The following CEP128 variants were observed in gnomAD, a reference collection of about 807,000 sequenced individuals.
CEP128 encodes the protein centrosomal protein 128kDa.
CEP128 carries 132 observed loss-of-function variants against 156.7 expected under a neutral mutation model. That is an observed-to-expected ratio of 0.84 (90% CI 0.73 to 0.97). CEP128 has a LOEUF of 0.97. CEP128 is among the 50% of genes least tolerant of loss of function. The pLI is 0.00. For missense variants in CEP128, 1,252 were observed against 1,281.9 expected (o/e 0.98, Z 0.36); for synonymous variants, 469 against 448.9 (o/e 1.04, Z -0.57).
At chr14:80,764,489 G>A (rs1231034810) in intron 16 of CEP128, among the ~76,000 whole-genome samples, 1 of 149,776 alleles carries the variant, frequency 6.7e-6, no homozygotes, top group Non-Finnish European at 1.5e-5. Context: ...CTGGGCGACA[G>A]AGCGAGACTC....
chr14:80,902,489 G>C (rs1883634266), intron 6 of CEP128, among the ~76,000 whole-genome samples: 1 of 152,114 alleles, frequency 6.6e-6, no homozygotes, highest in Admixed American at 6.5e-5. Context: ...CTACAGATGA[G>C]TATCTTAAGA....
Position 80,840,667 on chromosome 14 carries a change from CTT to C in CEP128, c.849+13_849+14del, listed in dbSNP as rs1566663611. On this transcript the variant is annotated intron_variant, in intron 10 of 24. Coordinates refer to ENST00000555265, the MANE Select transcript of CEP128 (RefSeq NM_152446.5). The stretch of plus-strand genomic sequence containing the variant: ...AACCACTTTATTCTTTGAAAGATAA[CTT>C]TTAAAATCTTACTTGATTCTTCTCA... The C allele has an allele frequency of 6.5e-7, 1 of 1,544,412 alleles. No homozygotes were observed. Among genetic ancestry groups the C allele is most frequent in the Non-Finnish European group, 8.9e-7 (1 of 1,118,950 alleles).
chr14:80,736,175 A>G (rs1898519360), intron 19 of CEP128, among the ~76,000 whole-genome samples: 1 of 152,060 alleles, frequency 6.6e-6, no homozygotes, highest in Non-Finnish European at 1.5e-5. Flanking sequence ...CCTCCCAGAA[A>G]TCCATATTTG....
At chr14:80,513,017 G>A (rs563349473) in intron 23 of CEP128, among the ~76,000 whole-genome samples, 26 of 152,040 alleles carry the variant, frequency 1.7e-4, no homozygotes, top group African/African-American at 4.8e-4. Context: ...CACTGTAATT[G>A]CAGTGTTATA....
At chr14:80,886,715 C>T (rs1389646307) in intron 8 of CEP128, among the ~76,000 whole-genome samples, 1 of 152,214 alleles carries the variant, frequency 6.6e-6, no homozygotes, top group East Asian at 1.9e-4. Context: ...GAAGAAACCG[C>T]ATTAACTAAC....
chr14:80,790,294 GA>G (rs929085076), intron 14 of CEP128, among the ~76,000 whole-genome samples: 39 of 151,548 alleles, frequency 2.6e-4, no homozygotes, highest in East Asian at 1.6e-3. Flanking sequence ...AAAAGAATAT[GA>G]AAAAAAATGG....
At chr14:80,703,848 G>C (rs563217779) in intron 19 of CEP128, among the ~76,000 whole-genome samples, 5 of 152,066 alleles carry the variant, frequency 3.3e-5, no homozygotes, top group African/African-American at 1.2e-4. Flanking sequence ...TTTATCACAT[G>C]TACTGTGAAC....
chr14:80,856,510 G>T (rs2140136388), intron 9 of CEP128, among the ~76,000 whole-genome samples: 2 of 151,948 alleles, frequency 1.3e-5, no homozygotes, highest in South Asian at 4.2e-4. Context: ...TGGGTGTAAT[G>T]GTGTGCCCCT....
chr14:80,503,496 G>C (rs542434651), intron 24 of CEP128, among the ~76,000 whole-genome samples: 1 of 152,230 alleles, frequency 6.6e-6, no homozygotes, highest in African/African-American at 2.4e-5. Flanking sequence ...TGCATTTCTA[G>C]AAAGGCTTAT....
chr14:80,578,397 CAT>C (rs1332541327), intron 20 of CEP128, among the ~76,000 whole-genome samples: 2 of 152,238 alleles, frequency 1.3e-5, no homozygotes, highest in Middle Eastern at 3.4e-3. Context: ...ATCTGTTATA[CAT>C]AATTATAAGA....
chr14:80,914,102 T>C (rs1278530512), intron 4 of CEP128, among the ~76,000 whole-genome samples: 1 of 152,230 alleles, frequency 6.6e-6, no homozygotes, highest in Admixed American at 6.5e-5. Flanking sequence ...CTACTCTCTC[T>C]GATGTAAAGC....
rs367743364 is a variant in CEP128 at position 80,497,774 on chromosome 14, G to A, written c.3182-192C>T. 1.1e-3 allele frequency among the ~76,000 whole-genome samples: 160 copies of A among 152,140 alleles called. 5 individuals carry two copies. The South Asian group carries it at 0.015, about 14-fold the overall frequency. ...AATTTATGACATTTAAAAAAAACAC[G>A]AGAATTAAACTTTTTATTTTATTTG... On this transcript the variant is annotated intron_variant, in intron 24 of 24. Coordinates refer to ENST00000555265, the MANE Select transcript of CEP128 (RefSeq NM_152446.5).
rs878982060 is a variant in CEP128, at chr14:80,838,093, AC to A, written c.924+110del. 2.2e-5 allele frequency: 16 copies of A among 719,760 alleles called. No homozygotes were observed. The South Asian group carries it at 3.0e-4, about 14-fold the overall frequency. The allele number at this position is 719,760 out of a possible 1,614,324, so 44.6% of individuals were successfully genotyped here. On this transcript the variant is annotated intron_variant, in intron 11 of 24. Transcript: ENST00000555265. ...GTGCTAATATACATTCCTTAGGAAA[AC>A]ATTTTTTCTAGACCTAGTTCTTTTT...
At chr14:80,481,563 T>C (rs896393347) in intron 14 of CEP128, among the ~76,000 whole-genome samples, 1 of 152,222 alleles carries the variant, frequency 6.6e-6, no homozygotes, top group East Asian at 1.9e-4. Flanking sequence ...TCCACTTTAA[T>C]CCAGTGCAGA....
At chr14:80,688,932 G>T (rs1025229969) in intron 19 of CEP128, among the ~76,000 whole-genome samples, 1 of 152,070 alleles carries the variant, frequency 6.6e-6, no homozygotes, top group African/African-American at 2.4e-5. Flanking sequence ...TACAAGAAAA[G>T]AAACCAAGAC....
chr14:80,711,197 T>C (rs922310152), intron 19 of CEP128, among the ~76,000 whole-genome samples: 1 of 152,020 alleles, frequency 6.6e-6, no homozygotes, highest in African/African-American at 2.4e-5. Context: ...CAGTAACTAC[T>C]CTAAAATAAT....
At chr14:80,805,322 T>C (rs1271443828) in intron 13 of CEP128, among the ~76,000 whole-genome samples, 1 of 152,152 alleles carries the variant, frequency 6.6e-6, no homozygotes, top group Non-Finnish European at 1.5e-5. Context: ...AGTCATACTG[T>C]ATGCTACTAG....
intron 19 of CEP128, among the ~76,000 whole-genome samples, chr14:80,584,773 A>G (rs1595045843): frequency 6.6e-6 from 1 of 152,148 alleles, no homozygotes; most frequent in South Asian, 2.1e-4. Flanking sequence ...ATAATGAACA[A>G]TCTTGTTGTT....
At chr14:80,488,644 A>C (rs1361470852), downstream of CEP128, among the ~76,000 whole-genome samples, 1 of 152,138 alleles carries the variant, frequency 6.6e-6, no homozygotes, top group Non-Finnish European at 1.5e-5. Context: ...GTATATACCC[A>C]AAGGATTATA....
Sources: allele counts gnomAD v4.1 joint callset (sites outside exome capture counted in the v4.1 genomes callset), GRCh38; gene constraint gnomAD v4.1.1; transcripts MANE v1.5; gene names NCBI Gene and HGNC (gene_info 2026-07-23, HGNC 2026-07-21).